Variants in FAM53C observed in about 807,000 individuals in gnomAD.
FAM53C encodes the protein protein FAM53C.
In FAM53C, 10 loss-of-function variants were observed where a neutral mutation model predicts 34.7. The observed-to-expected ratio is 0.29, with a 90% CI of 0.18 to 0.49. The LOEUF (loss-of-function observed/expected upper bound fraction) is 0.49. FAM53C is among the 20% of genes least tolerant of loss of function. The probability of loss-of-function intolerance (pLI) is 0.99; values close to 1 mark genes in which losing one functional copy is unlikely to be tolerated. For synonymous variants in FAM53C, 203 were observed against 203.6 expected (o/e 1.00, Z 0.03); for missense variants, 442 against 515.3 (o/e 0.86, Z 1.38).
intron 1 of FAM53C, 119 bp downstream of exon 1, chr5:138,338,426 C>T: frequency 2.9e-6 from 1 of 343,288 alleles, no homozygotes; most frequent in South Asian, 2.1e-5. Context: ...CCTCGCTGGC[C>T]GCCTCTGCGG....
intron 1 of FAM53C, among the ~76,000 whole-genome samples, chr5:138,340,901 C>G (rs1761016361): frequency 6.6e-6 from 1 of 152,220 alleles, no homozygotes; most frequent in African/African-American, 2.4e-5. Flanking sequence ...CAGCTGTTTT[C>G]TAAGTGGTGC....
At position 138,345,991 on chromosome 5, in the gene FAM53C, C is replaced by T. The variant is rs1761164532; in HGVS notation, c.921+382C>T. On this transcript the variant is annotated intron_variant, in intron 4 of 4. Coordinates refer to ENST00000239906, the MANE Select transcript of FAM53C (RefSeq NM_016605.3). This position sits in a 1 kb window ranked among gnomAD's most constrained non-coding sequence, Gnocchi z 6.3. ...AGCTGTTTTTGCCACTTGCCTGTCA[C>T]TGCTTCAAAGTGGGTCTGTGAGGGC... 6.6e-6 allele frequency among the ~76,000 whole-genome samples: 1 copy of T among 152,246 alleles called. No individual in the cohort carries two copies. The highest frequency in any genetic ancestry group is 2.4e-5 in the African/African-American group (1 of 41,464).
In FAM53C at chr5:138,346,979, G is replaced by A. The variant is rs1334855011; in HGVS notation, c.*20G>A. 8 of 1,613,542 alleles carry A rather than the reference G, an allele frequency of 5.0e-6. No homozygotes were observed. Among genetic ancestry groups the A allele is most frequent in the Non-Finnish European group, 5.9e-6 (7 of 1,179,916 alleles). On this transcript the variant is annotated 3_prime_UTR_variant, in exon 5 of 5. Coordinates refer to ENST00000239906, the MANE Select transcript of FAM53C (RefSeq NM_016605.3). ...AACTAAAACTGAGAGGCTACTTCCTGGGGCCACACAGACTGACTCTCTCAT... is the reference window on the plus strand; with the variant it reads ...AACTAAAACTGAGAGGCTACTTCCTAGGGCCACACAGACTGACTCTCTCAT...
At chr5:138,341,937 T>A in intron 3 of FAM53C, 71 bp downstream of exon 3, 2 of 1,494,588 alleles carry the variant, frequency 1.3e-6, no homozygotes, top group Non-Finnish European at 9.3e-7. Flanking sequence ...ATCATTGGTT[T>A]CCAGTGACCA....
intron 1 of FAM53C, among the ~76,000 whole-genome samples, chr5:138,338,589 A>ACC (rs60039274): frequency 8.7e-5 from 11 of 126,968 alleles, no homozygotes; most frequent in African/African-American, 1.8e-4. Flanking sequence ...GCCCTGGCGC[A>ACC]CCCCCCCCCC....
Position 138,345,341 on chromosome 5 carries a change from A to C in FAM53C, c.653A>C (p.Asp218Ala). 1 of 1,614,140 alleles carries C rather than the reference A, an allele frequency of 6.2e-7. No homozygotes were observed. Among genetic ancestry groups the C allele is most frequent in the South Asian group, 1.1e-5 (1 of 91,076 alleles). ...CCTCAAAGTGGCTCCTGGGAGAGTG[A>C]TGCTGAGTCCTTGTCACCTTGCCCA... is the stretch of plus-strand genomic sequence containing the variant. The part of the protein sequence containing the change: ...ASPQSGSWES[D>A]AESLSPCPPQ... The change falls in exon 4 of 5, where the codon GAT becomes GCT. Residue 218 changes from aspartate (D) to alanine (A), a missense_variant. Asp to Ala is a moderately radical substitution (Grantham distance 126, BLOSUM62 -2). Coordinates refer to ENST00000239906, the MANE Select transcript of FAM53C (RefSeq NM_016605.3). This position sits in a 1 kb window ranked among gnomAD's most constrained non-coding sequence, Gnocchi z 6.3.
Position 138,344,927 on chromosome 5 carries a change from C to T in FAM53C, c.239C>T (p.Pro80Leu). 6.2e-7 allele frequency: 1 copy of T among 1,614,134 alleles called. No homozygotes were observed. The highest frequency in any genetic ancestry group is 1.6e-4 in the Middle Eastern group (1 of 6,062). ...TCAGGCCTGAGCCTGCACCTCAGAC[C>T]ACCCAGTCGGGGAAACTCCCCCAAG... ...HPSGLSLHLR[P>L]PSRGNSPKEQ... Residue 80 changes from proline (P) to leucine (L), a missense_variant, in exon 4 of 5, where the codon CCA becomes CTA. By Grantham distance (98) the Pro-to-Leu change is moderately conservative. Coordinates refer to ENST00000239906, the MANE Select transcript of FAM53C (RefSeq NM_016605.3).
upstream of FAM53C, chr5:138,338,023 C>G: frequency 7.8e-7 from 1 of 1,289,660 alleles, no homozygotes; most frequent in Non-Finnish European, 1.0e-6. Flanking sequence ...CCACTTTCTG[C>G]GATATTTTGG....
Position 138,347,158 on chromosome 5 carries a change from T to G in FAM53C, c.*199T>G, listed in dbSNP as rs1761203593. ...GCCGGGACAAGATAAACGGAGCTGG[T>G]GGCGGGAGGGACAGCCCCAGAGCAG... On this transcript the variant is annotated 3_prime_UTR_variant, in exon 5 of 5. Transcript: ENST00000239906. The G allele has an allele frequency of 2.7e-6, 2 of 739,210 alleles. No homozygotes were observed. The highest frequency in any genetic ancestry group is 4.3e-6 in the Non-Finnish European group (2 of 464,072). 45.8% of individuals were successfully genotyped at this position (739,210 alleles called of 1,614,324 possible). A position where few individuals can be genotyped will look rare whatever the true frequency, so the allele number is the denominator to read the frequency against.
At chr5:138,344,215 A>G (rs2126888488) in intron 3 of FAM53C, among the ~76,000 whole-genome samples, 1 of 152,346 alleles carries the variant, frequency 6.6e-6, no homozygotes, top group South Asian at 2.1e-4. Flanking sequence ...GCACAAAGTC[A>G]GGGTTTCCCA....
At chr5:138,340,957 A>G (rs4835779) in intron 1 of FAM53C, among the ~76,000 whole-genome samples, 149,833 of 152,346 alleles carry the variant, frequency 0.98, 73,756 homozygotes, top group East Asian at 1. Context: ...GTTTAAGGGT[A>G]GCAAATAAGT....
intron 3 of FAM53C, chr5:138,342,514 G>A (rs1378089774): frequency 6.6e-6 from 1 of 152,062 alleles, no homozygotes; most frequent in Admixed American, 6.6e-5. Context: ...GATCACCTGA[G>A]GTCGGGAGTT....
intron 4 of FAM53C, among the ~76,000 whole-genome samples, chr5:138,346,041 G>A (rs950203363): frequency 1.3e-5 from 2 of 152,184 alleles, no homozygotes; most frequent in South Asian, 4.1e-4. Context: ...CTGCTACAGT[G>A]TATTCATCTG....
At chr5:138,341,091 T>A in intron 1 of FAM53C, 93 bp from the exon 2 acceptor site, 1 of 604,658 alleles carries the variant, frequency 1.7e-6, no homozygotes, top group Non-Finnish European at 3.1e-6. Context: ...GAGGCCTGGC[T>A]TAGGGGTGCT....
intron 3 of FAM53C, chr5:138,343,834 A>G (rs897450729): frequency 1.3e-5 from 2 of 152,234 alleles, no homozygotes; most frequent in Admixed American, 6.5e-5. Context: ...TTGTGTCATA[A>G]GTATAGAGCA....
intron 3 of FAM53C, 85 bp downstream of exon 3, chr5:138,341,951 C>A (rs181652099): frequency 4.9e-5 from 66 of 1,337,240 alleles, no homozygotes; most frequent in South Asian, 4.0e-4. Context: ...GTGACCAGGG[C>A]TAGCGAGCCT....
chr5:138,345,840 T>C lies in FAM53C; in HGVS notation c.921+231T>C, dbSNP rs1206271852. On this transcript the variant is annotated intron_variant, in intron 4 of 4. Coordinates refer to ENST00000239906, the MANE Select transcript of FAM53C (RefSeq NM_016605.3). The surrounding 1 kb of genome is among the most constrained non-coding windows in gnomAD (Gnocchi z 6.3). ...CCTTAATCCTGGGAGTTAGAGAAAC[T>C]GGGGTGAGACCCATGTTAAACCTTC... 6.6e-6 allele frequency among the ~76,000 whole-genome samples: 1 copy of C among 152,258 alleles called. No homozygotes were observed. The highest frequency in any genetic ancestry group is 1.5e-5 in the Non-Finnish European group (1 of 68,038).
In FAM53C at chr5:138,338,323, C is replaced by G. The variant is rs1242866875; in HGVS notation, c.-153+16C>G. 3 of 492,804 alleles carry G rather than the reference C, an allele frequency of 6.1e-6. No homozygotes were observed. The highest frequency in any genetic ancestry group is 1.1e-5 in the Non-Finnish European group (3 of 268,030). 30.5% of individuals were successfully genotyped at this position (492,804 alleles called of 1,614,324 possible). A position where few individuals can be genotyped will look rare whatever the true frequency, so the allele number is the denominator to read the frequency against. ...AGGAACCGCGGTAGGTGGTGGAGGG[C>G]AGGTGGCGCTGGGGCCTCGGGGCGG... On this transcript the variant is annotated intron_variant, in intron 1 of 4. Transcript: ENST00000239906.
intron 3 of FAM53C, chr5:138,342,441 A>G (rs2126886909): frequency 6.6e-6 from 1 of 152,388 alleles, no homozygotes; most frequent in African/African-American, 2.4e-5. Flanking sequence ...TAAAAAAAAA[A>G]ATGGGACCGG....
Sources: gnomAD v4.1 joint callset for allele counts (sites outside exome capture counted in the v4.1 genomes callset) on GRCh38, gnomAD v4.1.1 for gene constraint, Gnocchi (gnomAD v3.1) non-coding constraint, MANE v1.5 for transcripts, NCBI Gene and HGNC (gene_info 2026-07-23, HGNC 2026-07-21) for gene names.